RHOBTB2: variants seen among roughly 807,000 people sequenced by gnomAD.
RHOBTB2 encodes the protein rho-related BTB domain-containing protein 2.
RHOBTB2 carries 39 observed loss-of-function variants against 66.5 expected under a neutral mutation model. That is an observed-to-expected ratio of 0.59 (90% CI 0.45 to 0.77). The LOEUF (loss-of-function observed/expected upper bound fraction) is 0.77, where lower values mean the gene tolerates loss of function less well. Ranked by LOEUF, RHOBTB2 falls within the 30% of genes least tolerant of loss-of-function variation. The pLI, the probability that RHOBTB2 is intolerant of heterozygous loss-of-function variation, is 0.00. For missense variants in RHOBTB2, 755 were observed against 999.1 expected (o/e 0.76, Z 3.29); for synonymous variants, 390 against 395.0 (o/e 0.99, Z 0.15).
upstream of RHOBTB2, chr8:22,984,792 T>A (rs1297605889): frequency 6.6e-6 from 1 of 152,114 alleles, no homozygotes; most frequent in Admixed American, 6.5e-5. Context: ...GGCATCATGG[T>A]GCATGCCTGT....
rs1263649425 is a variant in RHOBTB2 at position 23,017,786 on chromosome 8, C to G, written c.*317C>G. 2.9e-6 allele frequency: 1 copy of G among 340,126 alleles called. No homozygotes were observed. Among genetic ancestry groups the G allele is most frequent in the Admixed American group, 4.0e-5 (1 of 24,858 alleles). 21.1% of individuals were successfully genotyped at this position (340,126 alleles called of 1,614,324 possible). On this transcript the variant is annotated 3_prime_UTR_variant, in exon 10 of 10. Coordinates refer to ENST00000251822, the MANE Select transcript of RHOBTB2 (RefSeq NM_015178.3). This position sits in a 1 kb window ranked among gnomAD's most constrained non-coding sequence, Gnocchi z 5.3. Reference sequence around the variant, plus strand: ...AGTCAAAGGGAAAGCCTCCCAGCCTCCAGGGCTTCTCTGTGTGTCTTGGTT... The same window carrying G: ...AGTCAAAGGGAAAGCCTCCCAGCCTGCAGGGCTTCTCTGTGTGTCTTGGTT...
At chr8:22,965,295 T>C in the RHOBTB2 span, among the ~76,000 whole-genome samples, 21,821 of 152,192 alleles carry the variant, frequency 0.14, 1,958 homozygotes, top group Non-Finnish European at 0.19. Flanking sequence ...AAAATCTAAG[T>C]GGAAAGACAT....
intron 2 of RHOBTB2, among the ~76,000 whole-genome samples, chr8:22,993,162 C>CT (rs1468726938): frequency 2.6e-5 from 4 of 151,472 alleles, no homozygotes; most frequent in South Asian, 2.1e-4. Flanking sequence ...TTTTTTCTTT[C>CT]TTTTTTTTTG....
rs954509201 is a variant in RHOBTB2, at chr8:23,017,035, G to C, written c.1967-217G>C. 2.6e-5 allele frequency among the ~76,000 whole-genome samples: 4 copies of C among 152,170 alleles called. No individual in the cohort carries two copies. Among genetic ancestry groups the C allele is most frequent in the African/African-American group, 9.7e-5 (4 of 41,428 alleles). On this transcript the variant is annotated intron_variant, in intron 9 of 9. Transcript: ENST00000251822. This position sits in a 1 kb window ranked among gnomAD's most constrained non-coding sequence, Gnocchi z 5.3. ...GTCTAGATCGCCCGTCTTTGGAAAG[G>C]AACCCAGCTGGAAAGGCCTTCCCCA...
chr8:22,969,039 G>A, the RHOBTB2 span, among the ~76,000 whole-genome samples: 5 of 152,112 alleles, frequency 3.3e-5, no homozygotes, highest in Admixed American at 2.6e-4. Context: ...ACACATACCC[G>A]AGACTGGGTG....
chr8:22,989,771 G>C (rs1347038705), intron 1 of RHOBTB2, among the ~76,000 whole-genome samples: 1 of 152,206 alleles, frequency 6.6e-6, no homozygotes, highest in Non-Finnish European at 1.5e-5. Flanking sequence ...AAGATAAAGA[G>C]GGTGATTTTG....
chr8:22,974,038 T>TA, the RHOBTB2 span, among the ~76,000 whole-genome samples: 11 of 151,974 alleles, frequency 7.2e-5, no homozygotes, highest in Non-Finnish European at 1.6e-4. Flanking sequence ...ATCACTTAGG[T>TA]ATGCACGACC....
chr8:23,017,436 C>A lies in RHOBTB2; in HGVS notation c.2151C>A (p.Ser717=). The change falls in exon 10 of 10, where the codon TCC becomes TCA. Residue 717 remains serine, a synonymous_variant. Coordinates refer to ENST00000251822, the MANE Select transcript of RHOBTB2 (RefSeq NM_015178.3). The surrounding 1 kb of genome is among the most constrained non-coding windows in gnomAD (Gnocchi z 5.3). ...PSSPSSSAAS[S]SSPSSSSAVV Reference sequence around the variant, plus strand: ...CCCCGTCTTCCTCGGCAGCCTCCTCCTCATCCCCATCTTCCTCCTCGGCTG... The same window carrying A: ...CCCCGTCTTCCTCGGCAGCCTCCTCATCATCCCCATCTTCCTCCTCGGCTG... 6.2e-7 allele frequency: 1 copy of A among 1,605,654 alleles called. No homozygotes were observed. Among genetic ancestry groups the A allele is most frequent in the Non-Finnish European group, 8.5e-7 (1 of 1,175,964 alleles).
chr8:22,989,413 T>C (rs1810368882), intron 1 of RHOBTB2, among the ~76,000 whole-genome samples: 1 of 152,212 alleles, frequency 6.6e-6, no homozygotes, highest in South Asian at 2.1e-4. Flanking sequence ...CTCCCAAGTG[T>C]TGGGATTACA....
chr8:23,004,152 C>T lies in RHOBTB2; in HGVS notation c.-10-273C>T. 2.1e-6 allele frequency: 1 copy of T among 487,576 alleles called. No homozygotes were observed. The highest frequency in any genetic ancestry group is 3.3e-5 in the Admixed American group (1 of 30,436). The allele number at this position is 487,576 out of a possible 1,614,324, so 30.2% of individuals were successfully genotyped here. A position where few individuals can be genotyped will look rare whatever the true frequency, so the allele number is the denominator to read the frequency against. ...TCCACTGGTGATCTCGCGTAGGTCT[C>T]CTTCATCCAGACGCACAGCTGGAGG... is the stretch of plus-strand genomic sequence containing the variant. On this transcript the variant is annotated intron_variant, in intron 1 of 9. Transcript: ENST00000251822. This position sits in a 1 kb window ranked among gnomAD's most constrained non-coding sequence, Gnocchi z 6.4.
At chr8:22,974,879 C>T in the RHOBTB2 span, among the ~76,000 whole-genome samples, 13 of 152,128 alleles carry the variant, frequency 8.5e-5, no homozygotes, top group African/African-American at 2.9e-4. Context: ...TTTAAAGACC[C>T]GCGCATAAAA....
At chr8:22,991,543 CT>C (rs967789197) in intron 1 of RHOBTB2, among the ~76,000 whole-genome samples, 2 of 152,198 alleles carry the variant, frequency 1.3e-5, no homozygotes, top group Non-Finnish European at 2.9e-5. Flanking sequence ...GCATTCTCTT[CT>C]TTCAACTAGA....
intron 6 of RHOBTB2, among the ~76,000 whole-genome samples, chr8:23,009,170 A>AAGAGAGAG (rs71206558): frequency 0.38 from 52,963 of 137,904 alleles, 10,570 homozygotes; most frequent in East Asian, 0.51. Flanking sequence ...AAAAGAAAAA[A>AAGAGAGAG]AGAGAGAGAG....
chr8:22,980,022 T>A, the RHOBTB2 span, among the ~76,000 whole-genome samples: 1 of 152,132 alleles, frequency 6.6e-6, no homozygotes, highest in Non-Finnish European at 1.5e-5. Flanking sequence ...CCTCCCAAAG[T>A]GCTGGGATTA....
chr8:22,968,925 G>A, the RHOBTB2 span, among the ~76,000 whole-genome samples: 1 of 151,526 alleles, frequency 6.6e-6, no homozygotes, highest in Non-Finnish European at 1.5e-5. Context: ...AACAAAAAAT[G>A]GATCTTTTAC....
In RHOBTB2 at chr8:23,006,637, G is replaced by T; in HGVS notation, c.483-91G>T. 7.6e-7 allele frequency: 1 copy of T among 1,309,210 alleles called. No homozygotes were observed. The highest frequency in any genetic ancestry group is 2.3e-5 in the East Asian group (1 of 43,120). The allele number at this position is 1,309,210 out of a possible 1,614,324, so 81.1% of individuals were successfully genotyped here. Reference sequence around the variant, plus strand: ...AGGAGTGGGTGGGGATTGGCACCCAGATCCTGAGCAGAGTCCCTCCAGCCT... The same window carrying T: ...AGGAGTGGGTGGGGATTGGCACCCATATCCTGAGCAGAGTCCCTCCAGCCT... On this transcript the variant is annotated intron_variant, in intron 4 of 9. Coordinates refer to ENST00000251822, the MANE Select transcript of RHOBTB2 (RefSeq NM_015178.3). This position sits in a 1 kb window ranked among gnomAD's most constrained non-coding sequence, Gnocchi z 6.1.
the RHOBTB2 span, among the ~76,000 whole-genome samples, chr8:22,969,743 C>A: frequency 4.6e-5 from 7 of 152,058 alleles, no homozygotes; most frequent in Non-Finnish European, 8.8e-5. Context: ...TAGAATTTTA[C>A]AAATTATAGT....
chr8:22,963,626 G>T, the RHOBTB2 span, among the ~76,000 whole-genome samples: 4 of 152,090 alleles, frequency 2.6e-5, no homozygotes, highest in African/African-American at 9.7e-5. Flanking sequence ...AAAAGAAAGA[G>T]GTTTAATTGG....
intron 2 of RHOBTB2, among the ~76,000 whole-genome samples, chr8:22,994,212 T>A (rs1810488580): frequency 6.6e-6 from 1 of 152,184 alleles, no homozygotes; most frequent in South Asian, 2.1e-4. Context: ...TTGTCCAGTG[T>A]CAAGCAGCTT....
Sources: allele counts gnomAD v4.1 joint callset (sites outside exome capture counted in the v4.1 genomes callset), GRCh38; gene constraint gnomAD v4.1.1; non-coding constraint Gnocchi (gnomAD v3.1); transcripts MANE v1.5; gene names NCBI Gene and HGNC (gene_info 2026-07-23, HGNC 2026-07-21).